The following SLC71A1 variants were observed in gnomAD, a reference collection of about 807,000 sequenced individuals.
SLC71A1 encodes the protein hippocampus abundant gene transcript 1.
At chr1:100,061,617 T>C in the SLC71A1 span, among the ~76,000 whole-genome samples, 1 of 152,178 alleles carries the variant, frequency 6.6e-6, no homozygotes, top group African/African-American at 2.4e-5. Flanking sequence ...TTTTAAGTAT[T>C]CCTGTATAGT....
the SLC71A1 span, chr1:100,043,289 CT>C: frequency 3.2e-6 from 2 of 619,962 alleles, no homozygotes; most frequent in Non-Finnish European, 4.0e-6. Flanking sequence ...CTCTGATTGT[CT>C]TTTAGCATTA....
At chr1:100,063,952 C>T in the SLC71A1 span, among the ~76,000 whole-genome samples, 6 of 152,128 alleles carry the variant, frequency 3.9e-5, no homozygotes, top group Non-Finnish European at 8.8e-5. Context: ...TCTGTAAATG[C>T]CCTCAAATGT....
chr1:100,043,198 G>A, the SLC71A1 span: 2 of 979,102 alleles, frequency 2.0e-6, no homozygotes, highest in African/African-American at 3.5e-5. Flanking sequence ...AAAGTTTAAA[G>A]TTTAAGTAAA....
At chr1:100,038,795 GGCCCC>G in the SLC71A1 span, among the ~76,000 whole-genome samples, 1 of 152,228 alleles carries the variant, frequency 6.6e-6, no homozygotes, top group Admixed American at 6.5e-5. Context: ...ATCCCGCTGC[GGCCCC>G]GTAGTACGTT....
chr1:100,062,412 T>C, the SLC71A1 span, among the ~76,000 whole-genome samples: 1 of 152,210 alleles, frequency 6.6e-6, no homozygotes, highest in African/African-American at 2.4e-5. Flanking sequence ...TTATAAACTC[T>C]TTAAAAATGT....
chr1:100,065,756 C>A, the SLC71A1 span, among the ~76,000 whole-genome samples: 2 of 150,974 alleles, frequency 1.3e-5, no homozygotes, highest in Non-Finnish European at 2.9e-5. Flanking sequence ...CTTCCCCTTT[C>A]CCCTTTTCCT....
the SLC71A1 span, among the ~76,000 whole-genome samples, chr1:100,081,499 G>A: frequency 6.6e-6 from 1 of 151,896 alleles, no homozygotes; most frequent in Admixed American, 6.6e-5. Flanking sequence ...CAGCCTCCCG[G>A]GTAGCTGGGA....
At chr1:100,052,479 T>C in the SLC71A1 span, among the ~76,000 whole-genome samples, 5 of 146,850 alleles carry the variant, frequency 3.4e-5, no homozygotes, top group Non-Finnish European at 5.9e-5. Flanking sequence ...GTCCCCAGGC[T>C]GGAGTGCAGA....
chr1:100,051,834 T>C, the SLC71A1 span, among the ~76,000 whole-genome samples: 4 of 152,248 alleles, frequency 2.6e-5, no homozygotes, highest in African/African-American at 9.6e-5. Context: ...CACAGTCCTT[T>C]AATGTATTCA....
chr1:100,041,750 C>T, the SLC71A1 span, among the ~76,000 whole-genome samples: 1 of 151,988 alleles, frequency 6.6e-6, no homozygotes, highest in South Asian at 2.1e-4. Flanking sequence ...ATGGTGAAAC[C>T]CCATCTTTAC....
At chr1:100,068,573 T>TA in the SLC71A1 span, 1 of 1,594,454 alleles carries the variant, frequency 6.3e-7, no homozygotes, top group Non-Finnish European at 8.6e-7. Flanking sequence ...AGCTTTTTTT[T>TA]ATACCTCAGA....
chr1:100,055,544 C>T, the SLC71A1 span, among the ~76,000 whole-genome samples: 1 of 151,714 alleles, frequency 6.6e-6, no homozygotes, highest in Non-Finnish European at 1.5e-5. Flanking sequence ...TTAGAGAGGG[C>T]ATGCCATTTT....
the SLC71A1 span, among the ~76,000 whole-genome samples, chr1:100,075,773 G>C: frequency 6.6e-6 from 1 of 152,060 alleles, no homozygotes; most frequent in Non-Finnish European, 1.5e-5. Context: ...CGACCTCCTG[G>C]GCTCGAGTGA....
the SLC71A1 span, among the ~76,000 whole-genome samples, chr1:100,050,977 C>T: frequency 4.0e-5 from 6 of 150,098 alleles, no homozygotes; most frequent in South Asian, 2.2e-4. Context: ...CCCAGCTACT[C>T]GGGAGGCTAA....
At chr1:100,053,263 G>A in the SLC71A1 span, among the ~76,000 whole-genome samples, 3 of 152,088 alleles carry the variant, frequency 2.0e-5, no homozygotes, top group Admixed American at 6.5e-5. Flanking sequence ...TTGGGCCCCA[G>A]TACTCCTCCC....
chr1:100,066,931 G>C, the SLC71A1 span, among the ~76,000 whole-genome samples: 1 of 145,104 alleles, frequency 6.9e-6, no homozygotes, highest in Non-Finnish European at 1.5e-5. Flanking sequence ...GGAGCCTGCA[G>C]TGAGCCGAGA....
At chr1:100,052,515 C>G in the SLC71A1 span, among the ~76,000 whole-genome samples, 1 of 150,014 alleles carries the variant, frequency 6.7e-6, no homozygotes, top group Admixed American at 6.6e-5. Flanking sequence ...CACTGCATCC[C>G]CCACCTCCCA....
the SLC71A1 span, chr1:100,080,036 T>C: frequency 1.3e-5 from 2 of 153,568 alleles, no homozygotes; most frequent in African/African-American, 4.9e-5. Context: ...ATTAGCCAGG[T>C]ATTTGAGCCC....
chr1:100,044,793 C>T, the SLC71A1 span, among the ~76,000 whole-genome samples: 2 of 152,162 alleles, frequency 1.3e-5, no homozygotes, highest in Non-Finnish European at 1.5e-5. Flanking sequence ...GCTGGGATTA[C>T]AGGCATGCCT....
Sources: gnomAD v4.1 joint callset for allele counts (sites outside exome capture counted in the v4.1 genomes callset) on GRCh38, gnomAD v4.1.1 for gene constraint, MANE v1.5 for transcripts, NCBI Gene and HGNC (gene_info 2026-07-23, HGNC 2026-07-21) for gene names.